The following ETV6 variants were observed in gnomAD, a reference collection of about 807,000 sequenced individuals.
The protein encoded by ETV6 is transcription factor ETV6.
Under a neutral mutation model 51.1 loss-of-function variants are expected in ETV6, and 16 were observed. That is an observed-to-expected ratio of 0.31 (90% CI 0.21 to 0.48). The LOEUF (loss-of-function observed/expected upper bound fraction) is 0.48. ETV6 is among the 20% of genes least tolerant of loss of function. The probability of loss-of-function intolerance (pLI) is 0.99; values close to 1 mark genes in which losing one functional copy is unlikely to be tolerated. For missense variants in ETV6, 458 were observed against 594.8 expected, an observed-to-expected ratio of 0.77 and a Z score of 2.39; for synonymous variants, 240 against 224.1, an observed-to-expected ratio of 1.07 and a Z score of -0.64.
At chr12:11,848,566 A>G (rs1031414792) in intron 3 of ETV6, among the ~76,000 whole-genome samples, 12 of 152,258 alleles carry the variant, frequency 7.9e-5, no homozygotes, top group African/African-American at 2.9e-4. Context: ...CTGGCTTTTC[A>G]TGTAAAGATC....
chr12:11,689,987 C>G (rs1396041579), intron 1 of ETV6, among the ~76,000 whole-genome samples: 1 of 152,048 alleles, frequency 6.6e-6, no homozygotes, highest in Non-Finnish European at 1.5e-5. Flanking sequence ...TTCGGTGTCA[C>G]AAGCATGGAT....
intron 2 of ETV6, among the ~76,000 whole-genome samples, chr12:11,829,267 A>G (rs1328261913): frequency 6.6e-6 from 1 of 151,900 alleles, no homozygotes; most frequent in Non-Finnish European, 1.5e-5. Context: ...GTCCTACCCA[A>G]CCCCCCAAAA....
intron 1 of ETV6, among the ~76,000 whole-genome samples, chr12:11,655,934 G>A (rs551961448): frequency 5.9e-5 from 9 of 152,302 alleles, no homozygotes; most frequent in East Asian, 3.9e-4. Flanking sequence ...AAAGGTGTTC[G>A]TCTGCTGTTT....
intron 1 of ETV6, chr12:11,716,893 C>T (rs1281509585): frequency 5.3e-5 from 8 of 152,188 alleles, no homozygotes. Context: ...ACTGCTCAGC[C>T]ACTTCTCCCA....
chr12:11,868,289 A>T (rs937594083), intron 4 of ETV6, among the ~76,000 whole-genome samples: 1 of 152,126 alleles, frequency 6.6e-6, no homozygotes, highest in African/African-American at 2.4e-5. Context: ...CTGGTTCTAT[A>T]ATCTCCTAAC....
At chr12:11,739,806 A>G (rs1865775686) in intron 1 of ETV6, among the ~76,000 whole-genome samples, 1 of 152,192 alleles carries the variant, frequency 6.6e-6, no homozygotes, top group East Asian at 1.9e-4. Flanking sequence ...ATGTTAAATT[A>G]CCTATGGGGC....
At chr12:11,664,119 C>G (rs1011751781) in intron 1 of ETV6, among the ~76,000 whole-genome samples, 4 of 152,208 alleles carry the variant, frequency 2.6e-5, no homozygotes, top group Non-Finnish European at 1.5e-5. Flanking sequence ...CATATTTGAA[C>G]TTCTTTTCAC....
chr12:11,787,117 A>G (rs202201495), intron 2 of ETV6, among the ~76,000 whole-genome samples: 2 of 152,204 alleles, frequency 1.3e-5, no homozygotes, highest in African/African-American at 2.4e-5. Context: ...TTTGGAGACA[A>G]TATTGTAAGG....
At chr12:11,782,032 C>G (rs1212737169) in intron 2 of ETV6, among the ~76,000 whole-genome samples, 1 of 152,148 alleles carries the variant, frequency 6.6e-6, no homozygotes, top group East Asian at 1.9e-4. Flanking sequence ...CTGCCATATG[C>G]CATAAATGAC....
chr12:11,779,057 C>A (rs1032482898), intron 2 of ETV6, among the ~76,000 whole-genome samples: 16 of 152,154 alleles, frequency 1.1e-4, no homozygotes, highest in African/African-American at 3.4e-4. Context: ...TACTTCAGAG[C>A]CAGATTAAAT....
At chr12:11,876,395 A>G (rs150357548) in intron 5 of ETV6, among the ~76,000 whole-genome samples, 10 of 152,340 alleles carry the variant, frequency 6.6e-5, no homozygotes, top group Non-Finnish European at 1.3e-4. Flanking sequence ...GTGGAAGGCA[A>G]TGTCCTCTTG....
chr12:11,750,138 T>C (rs892440215), intron 1 of ETV6, among the ~76,000 whole-genome samples: 3 of 152,206 alleles, frequency 2.0e-5, no homozygotes, highest in Admixed American at 6.5e-5. Flanking sequence ...CCAGAGCAGG[T>C]GCAGAAGTGT....
chr12:11,697,862 T>A (rs767601851), intron 1 of ETV6, among the ~76,000 whole-genome samples: 3 of 152,228 alleles, frequency 2.0e-5, no homozygotes, highest in Admixed American at 6.5e-5. Context: ...ATCCTTCCCA[T>A]AACTAAGCCC....
intron 1 of ETV6, among the ~76,000 whole-genome samples, chr12:11,732,816 C>T (rs1345943429): frequency 6.6e-6 from 1 of 152,162 alleles, no homozygotes; most frequent in Admixed American, 6.5e-5. Flanking sequence ...CCAATTCCAG[C>T]TCTGTAATCA....
intron 7 of ETV6, among the ~76,000 whole-genome samples, chr12:11,887,462 C>T (rs1475387023): frequency 6.6e-6 from 1 of 152,264 alleles, no homozygotes. Context: ...AGAAATTCCA[C>T]CCAGAGGCCG....
chr12:11,654,503 T>C (rs1224554660), intron 1 of ETV6, among the ~76,000 whole-genome samples: 1 of 152,162 alleles, frequency 6.6e-6, no homozygotes, highest in Non-Finnish European at 1.5e-5. Context: ...TATAATAGGC[T>C]TCGCTCTCTC....
At chr12:11,838,027 C>T (rs1298636389) in intron 2 of ETV6, among the ~76,000 whole-genome samples, 1 of 152,050 alleles carries the variant, frequency 6.6e-6, no homozygotes, top group East Asian at 1.9e-4. Context: ...ATATATTTTC[C>T]CAAACCAAAA....
intron 1 of ETV6, among the ~76,000 whole-genome samples, chr12:11,696,373 G>A (rs897135171): frequency 3.3e-5 from 5 of 152,254 alleles, no homozygotes; most frequent in Middle Eastern, 3.4e-3. Flanking sequence ...CATGAACTTC[G>A]GGCAAGTTAC....
intron 1 of ETV6, among the ~76,000 whole-genome samples, chr12:11,695,903 T>C (rs1417307482): frequency 6.6e-6 from 1 of 152,192 alleles, no homozygotes; most frequent in Non-Finnish European, 1.5e-5. Context: ...ATCTTTCTTC[T>C]TCCTAATCAT....
Sources: gnomAD v4.1 joint callset for allele counts (sites outside exome capture counted in the v4.1 genomes callset) on GRCh38, gnomAD v4.1.1 for gene constraint, MANE v1.5 for transcripts, NCBI Gene and HGNC (gene_info 2026-07-23, HGNC 2026-07-21) for gene names.